P4HA3: variants seen among roughly 807,000 people sequenced by gnomAD.
P4HA3 encodes the protein prolyl 4-hydroxylase subunit alpha-3.
In P4HA3, 60 loss-of-function variants were observed where a neutral mutation model predicts 66.7. The ratio of observed to expected loss-of-function variants is 0.90; its 90% confidence interval spans 0.73 to 1.12. P4HA3 has a LOEUF of 1.12. Among genes scored for constraint, P4HA3 ranks in the 50% most tolerant of loss-of-function variants. The pLI is 0.00. For synonymous variants in P4HA3, 263 were observed against 274.6 expected (o/e 0.96, Z 0.42); for missense variants, 683 against 685.8 (o/e 1.00, Z 0.05).
intron 15 of P4HA3, chr11:74,251,658 C>G (rs1255448294): frequency 1.2e-6 from 2 of 1,613,570 alleles, no homozygotes; most frequent in East Asian, 2.2e-5. Context: ...GTAGCTGAAG[C>G]TGTTGCCACT....
chr11:74,300,354 G>C (rs759285319), intron 3 of P4HA3, among the ~76,000 whole-genome samples: 9 of 152,338 alleles, frequency 5.9e-5, no homozygotes, highest in Non-Finnish European at 1.3e-4. Flanking sequence ...AGATAGGCTG[G>C]GTGCAGTGGT....
At chr11:74,311,200 G>A (rs1041699829) in intron 1 of P4HA3, among the ~76,000 whole-genome samples, 1 of 152,112 alleles carries the variant, frequency 6.6e-6, no homozygotes, top group Non-Finnish European at 1.5e-5. Flanking sequence ...GTCCCACACA[G>A]GGTGACAATG....
intron 15 of P4HA3, among the ~76,000 whole-genome samples, chr11:74,252,239 G>GTT (rs974162487): frequency 1.5e-4 from 17 of 112,338 alleles, no homozygotes; most frequent in African/African-American, 4.9e-4. Context: ...GGCTAATTTT[G>GTT]TTTTTTTTTT....
intron 15 of P4HA3, among the ~76,000 whole-genome samples, chr11:74,256,868 G>T (rs954655602): frequency 1.1e-4 from 16 of 152,140 alleles, no homozygotes; most frequent in African/African-American, 3.9e-4. Context: ...AGCCATGAGG[G>T]GAATGGGGCA....
intron 7 of P4HA3, among the ~76,000 whole-genome samples, chr11:74,279,993 T>A (rs927435376): frequency 1.8e-4 from 28 of 152,334 alleles, no homozygotes; most frequent in Middle Eastern, 3.4e-3. Context: ...ACCACTTTTT[T>A]AAAAAATTGA....
chr11:74,307,479 G>T (rs1861611835), intron 1 of P4HA3, among the ~76,000 whole-genome samples: 1 of 152,132 alleles, frequency 6.6e-6, no homozygotes, highest in South Asian at 2.1e-4. Flanking sequence ...GATCTCTATT[G>T]CAGCACATCA....
At chr11:74,256,859 G>C (rs1859839319) in intron 15 of P4HA3, among the ~76,000 whole-genome samples, 1 of 152,188 alleles carries the variant, frequency 6.6e-6, no homozygotes. Context: ...TGAAGACAAA[G>C]CCATGAGGGG....
chr11:74,267,216 C>G lies in P4HA3; in HGVS notation c.*32G>C. The G allele has an allele frequency of 6.2e-7, 1 of 1,613,924 alleles. No homozygotes were observed. Among genetic ancestry groups the G allele is most frequent in the African/African-American group, 1.3e-5 (1 of 75,052 alleles). On this transcript the variant is annotated 3_prime_UTR_variant, in exon 13 of 13. Transcript: ENST00000331597. The stretch of plus-strand genomic sequence containing the variant: ...GGCTCCTGGCTTCTCTGGAAAGCCA[C>G]AGGACTCCACCAGCTTCTCTCTGCC...
At chr11:74,251,817 T>G in intron 15 of P4HA3, 1 of 1,413,484 alleles carries the variant, frequency 7.1e-7, no homozygotes, top group Non-Finnish European at 1.0e-6. Flanking sequence ...CCTGCCTGGT[T>G]TGGTCACCAT....
At chr11:74,277,856 C>T (rs776009458) in intron 8 of P4HA3, among the ~76,000 whole-genome samples, 4 of 152,222 alleles carry the variant, frequency 2.6e-5, no homozygotes, top group Admixed American at 1.3e-4. Context: ...CCTGGGGAGA[C>T]GATAAGGCTC....
chr11:74,253,191 C>T (rs1476773838), intron 15 of P4HA3, among the ~76,000 whole-genome samples: 5 of 152,172 alleles, frequency 3.3e-5, no homozygotes, highest in East Asian at 1.9e-4. Context: ...AGCGACACCC[C>T]TATGCTGAGC....
intron 1 of P4HA3, among the ~76,000 whole-genome samples, chr11:74,308,365 C>CAAACAA (rs1353647235): frequency 4.0e-5 from 6 of 151,854 alleles, no homozygotes; most frequent in Admixed American, 3.3e-4. Context: ...CAAACCAAAC[C>CAAACAA]AAACAAAAAC....
chr11:74,279,403 T>C lies in P4HA3; in HGVS notation c.1160A>G (p.Tyr387Cys). 1 of 1,613,890 alleles carries C rather than the reference T, an allele frequency of 6.2e-7. No individual in the cohort carries two copies. The highest frequency in any genetic ancestry group is 8.5e-7 in the Non-Finnish European group (1 of 1,179,824). Residue 387 changes from tyrosine to cysteine, a missense_variant, in exon 8 of 13, where the codon TAC becomes TGC. Physicochemically the swap from Tyr to Cys is radical, Grantham distance 194 (BLOSUM62 -2). Coordinates refer to ENST00000331597, the MANE Select transcript of P4HA3 (RefSeq NM_182904.5). ...CCCTTCTTACCTTTTGCTGATGCGGTACTCCACTTGTAACTGCTTCTCCCC... is the reference window on the plus strand; with the variant it reads ...CCCTTCTTACCTTTTGCTGATGCGGCACTCCACTTGTAACTGCTTCTCCCC... ...ASGEKQLQVEYRISKSAWLKD... is the reference protein window; with the variant it reads ...ASGEKQLQVECRISKSAWLKD...
At chr11:74,292,847 AG>A (rs2134788272) in intron 4 of P4HA3, among the ~76,000 whole-genome samples, 1 of 152,222 alleles carries the variant, frequency 6.6e-6, no homozygotes, top group Non-Finnish European at 1.5e-5. Context: ...ACATTTGCTG[AG>A]GAGTGCTTTA....
chr11:74,250,776 C>T (rs763131053), intron 15 of P4HA3: 14 of 588,024 alleles, frequency 2.4e-5, no homozygotes, highest in African/African-American at 5.6e-5. Context: ...AAATGATTGG[C>T]GCAAGGTTAC....
chr11:74,273,819 A>G (rs2134733299), intron 9 of P4HA3, among the ~76,000 whole-genome samples: 1 of 151,504 alleles, frequency 6.6e-6, no homozygotes, highest in East Asian at 1.9e-4. Context: ...CTTATATAAA[A>G]GAATTGTCTA....
chr11:74,274,522 C>G (rs1860328186), intron 9 of P4HA3, among the ~76,000 whole-genome samples: 1 of 151,194 alleles, frequency 6.6e-6, no homozygotes, highest in Admixed American at 6.6e-5. Context: ...ACTGTGTTAG[C>G]CAGGATGGTC....
intron 9 of P4HA3, among the ~76,000 whole-genome samples, chr11:74,276,032 A>C (rs1040727090): frequency 6.6e-6 from 1 of 152,192 alleles, no homozygotes; most frequent in South Asian, 2.1e-4. Flanking sequence ...CCATTATCCT[A>C]AGTGAACTAA....
In P4HA3 at chr11:74,304,258, C is replaced by T. The variant is rs745338708; in HGVS notation, c.343+12G>A. The T allele has an allele frequency of 1.2e-6, 2 of 1,613,686 alleles. No individual in the cohort carries two copies. The highest frequency in any genetic ancestry group is 2.2e-5 in the East Asian group (1 of 44,882). On this transcript the variant is annotated intron_variant, in intron 2 of 12. Transcript: ENST00000331597. ...ATCTTCTCTCTTACCCTCCAGCCCT[C>T]CTCCTCATTACCTCGGATGTTCTCA...
Sources: gnomAD v4.1 joint callset for allele counts (sites outside exome capture counted in the v4.1 genomes callset) on GRCh38, gnomAD v4.1.1 for gene constraint, MANE v1.5 for transcripts, NCBI Gene and HGNC (gene_info 2026-07-23, HGNC 2026-07-21) for gene names.